Variants in RRP15 observed in about 807,000 individuals in gnomAD.
The protein encoded by RRP15 is ribosomal RNA processing 15 homolog.
Under a neutral mutation model 27.1 loss-of-function variants are expected in RRP15, and 18 were observed. That is an observed-to-expected ratio of 0.66 (90% CI 0.46 to 0.98). RRP15 has a LOEUF of 0.98. RRP15 is among the 50% of genes least tolerant of loss of function. RRP15 has a pLI of 0.00. For missense variants in RRP15, 359 were observed against 337.8 expected (o/e 1.06, Z -0.49); for synonymous variants, 107 against 109.4 (o/e 0.98, Z 0.14).
At chr1:218,292,617 A>C (rs1162198439) in intron 1 of RRP15, among the ~76,000 whole-genome samples, 1 of 152,240 alleles carries the variant, frequency 6.6e-6, no homozygotes, top group Non-Finnish European at 1.5e-5. Flanking sequence ...GGTTACGAAT[A>C]CATTTTACTG....
intron 3 of RRP15, among the ~76,000 whole-genome samples, chr1:218,306,327 A>G (rs1284378746): frequency 6.6e-6 from 1 of 152,124 alleles, no homozygotes; most frequent in Non-Finnish European, 1.5e-5. Context: ...GGATGCCCGC[A>G]TGTGCAATAT....
chr1:218,323,225 G>A (rs1246876885), intron 4 of RRP15, among the ~76,000 whole-genome samples: 1 of 152,138 alleles, frequency 6.6e-6, no homozygotes, highest in Admixed American at 6.5e-5. Context: ...ATATTTCAGC[G>A]CTGTTTGTGT....
At position 218,290,884 on chromosome 1, in the gene RRP15, C is replaced by T. The variant is rs1461008459; in HGVS notation, c.139+5429C>T. ...GGGGCATACATCTGTAATCTCAGCA[C>T]TTTGGAGGCTGAGGTGGGAGGATTG... On this transcript the variant is annotated intron_variant, in intron 1 of 4. Coordinates refer to ENST00000366932, the MANE Select transcript of RRP15 (RefSeq NM_016052.4). Among the ~76,000 whole-genome samples, 4 of 152,150 alleles carry T rather than the reference C, an allele frequency of 2.6e-5. No homozygotes were observed. The East Asian group carries it at 7.7e-4, about 29-fold the overall frequency.
In RRP15 at chr1:218,335,578, T is replaced by C. The variant is rs978651294; in HGVS notation, c.*4487T>C. On this transcript the variant is annotated 3_prime_UTR_variant, in exon 5 of 5. Coordinates refer to ENST00000366932, the MANE Select transcript of RRP15 (RefSeq NM_016052.4). ...TACTGAGCATTTCACGTGTGGCTTGTGATACAGAGGAACTAAATTTTTAAT... is the reference window on the plus strand; with the variant it reads ...TACTGAGCATTTCACGTGTGGCTTGCGATACAGAGGAACTAAATTTTTAAT... The C allele has an allele frequency of 6.6e-6, 1 of 152,214 alleles. No homozygotes were observed. Among genetic ancestry groups the C allele is most frequent in the Non-Finnish European group, 1.5e-5 (1 of 68,030 alleles). The allele number at this position is 152,214 out of a possible 1,614,324, so 9.4% of individuals were successfully genotyped here.
At chr1:218,309,429 A>G (rs1284160129) in intron 4 of RRP15, among the ~76,000 whole-genome samples, 1 of 152,166 alleles carries the variant, frequency 6.6e-6, no homozygotes, top group Non-Finnish European at 1.5e-5. Flanking sequence ...TCATGCCTGT[A>G]ATCCCAGCAC....
At chr1:218,327,001 G>T (rs1656284932) in intron 4 of RRP15, among the ~76,000 whole-genome samples, 1 of 152,188 alleles carries the variant, frequency 6.6e-6, no homozygotes, top group East Asian at 1.9e-4. Flanking sequence ...AGTGTAAATA[G>T]GGTTGGTTTT....
rs150826877 is a variant in RRP15 at position 218,293,977 on chromosome 1, T to C, written c.140-8317T>C. On this transcript the variant is annotated intron_variant, in intron 1 of 4. Coordinates refer to ENST00000366932, the MANE Select transcript of RRP15 (RefSeq NM_016052.4). Reference sequence around the variant, plus strand: ...ATCATGGAGGTGAAATTAGCAGTTATATATATCAACTTGAATAATAGCAAA... The same window carrying C: ...ATCATGGAGGTGAAATTAGCAGTTACATATATCAACTTGAATAATAGCAAA... 2.1e-3 allele frequency among the ~76,000 whole-genome samples: 325 copies of C among 152,296 alleles called. 3 individuals are homozygous for C. The highest frequency in any genetic ancestry group is 3.4e-3 in the Middle Eastern group (1 of 294).
At chr1:218,328,422 G>A (rs1656308262) in intron 4 of RRP15, among the ~76,000 whole-genome samples, 1 of 152,136 alleles carries the variant, frequency 6.6e-6, no homozygotes, top group South Asian at 2.1e-4. Flanking sequence ...CAGCACTTTG[G>A]GAGGCCAAGG....
At chr1:218,312,337 C>T (rs1571802575) in intron 4 of RRP15, among the ~76,000 whole-genome samples, 1 of 129,496 alleles carries the variant, frequency 7.7e-6, no homozygotes, top group South Asian at 2.4e-4. Context: ...CGTTTTGATT[C>T]TTTTCTTTTT....
intron 1 of RRP15, among the ~76,000 whole-genome samples, chr1:218,287,228 G>A (rs577413608): frequency 5.4e-4 from 80 of 146,822 alleles, no homozygotes; most frequent in South Asian, 8.6e-4. Flanking sequence ...TGATCCACCC[G>A]TCTCGGCCTC....
intron 4 of RRP15, among the ~76,000 whole-genome samples, chr1:218,310,523 G>A (rs966724270): frequency 5.9e-5 from 9 of 152,078 alleles, no homozygotes; most frequent in Non-Finnish European, 1.2e-4. Context: ...ATATAACATA[G>A]GTTATATACA....
intron 4 of RRP15, among the ~76,000 whole-genome samples, chr1:218,325,922 T>C (rs1446144645): frequency 6.6e-6 from 1 of 152,214 alleles, no homozygotes. Flanking sequence ...CGTTATCTTC[T>C]GACTTTTATA....
intron 4 of RRP15, 77 bp downstream of exon 4, chr1:218,307,709 T>G: frequency 1.0e-6 from 1 of 962,762 alleles, no homozygotes; most frequent in South Asian, 1.6e-5. Context: ...AACCAGACTA[T>G]AGAATTACAG....
At chr1:218,295,370 G>T (rs1374332259) in intron 1 of RRP15, among the ~76,000 whole-genome samples, 1 of 152,118 alleles carries the variant, frequency 6.6e-6, no homozygotes. Context: ...AGCCTTGATT[G>T]TTACTCGGGG....
chr1:218,294,869 A>G (rs1017985749), intron 1 of RRP15, among the ~76,000 whole-genome samples: 2 of 152,158 alleles, frequency 1.3e-5, no homozygotes, highest in Admixed American at 6.5e-5. Flanking sequence ...ATACAAGAAG[A>G]TACTCCTTTG....
chr1:218,298,362 A>T (rs1446818588), intron 1 of RRP15, among the ~76,000 whole-genome samples: 1 of 152,170 alleles, frequency 6.6e-6, no homozygotes, highest in Non-Finnish European at 1.5e-5. Context: ...AAATTCTATT[A>T]CAATTTGGCT....
chr1:218,306,019 A>G (rs1376438724), intron 3 of RRP15, among the ~76,000 whole-genome samples: 1 of 152,180 alleles, frequency 6.6e-6, no homozygotes, highest in African/African-American at 2.4e-5. Context: ...GGATTAATAC[A>G]TATACAGAAC....
In RRP15 at chr1:218,308,062, C is replaced by CTTTTTTT. The variant is rs56813511; in HGVS notation, c.705+453_705+459dup. On this transcript the variant is annotated intron_variant, in intron 4 of 4. Coordinates refer to ENST00000366932, the MANE Select transcript of RRP15 (RefSeq NM_016052.4). Reference sequence around the variant, plus strand: ...AGCTGCCTCAGTAGTTTCTTTCTTTCTTTTTTTTTTTTTTTTTTTTTTTTT... The same window carrying CTTTTTTT: ...AGCTGCCTCAGTAGTTTCTTTCTTTCTTTTTTTTTTTTTTTTTTTTTTTTTTTTTTTT... Among the ~76,000 whole-genome samples the CTTTTTTT allele has an allele frequency of 4.2e-3, 279 of 66,956 alleles. 9 individuals carry two copies. Among genetic ancestry groups the CTTTTTTT allele is most frequent in the Non-Finnish European group, 5.6e-3 (196 of 35,218 alleles). The allele number at this position is 66,956 out of a possible 152,430, so 43.9% of individuals were successfully genotyped here. A position where few individuals can be genotyped will look rare whatever the true frequency, so the allele number is the denominator to read the frequency against.
chr1:218,301,974 A>C (rs1655817228), intron 1 of RRP15: 1 of 275,618 alleles, frequency 3.6e-6, no homozygotes, highest in Non-Finnish European at 6.8e-6. Context: ...CCTTGCACCA[A>C]CTCCATGCCA....
Sources: gnomAD v4.1 joint callset for allele counts (sites outside exome capture counted in the v4.1 genomes callset) on GRCh38, gnomAD v4.1.1 for gene constraint, MANE v1.5 for transcripts, NCBI Gene and HGNC (gene_info 2026-07-23, HGNC 2026-07-21) for gene names.